Variants in MUSK observed in about 807,000 individuals in gnomAD.
MUSK encodes the protein muscle, skeletal receptor tyrosine-protein kinase.
Under a neutral mutation model 88.7 loss-of-function variants are expected in MUSK, and 55 were observed. The observed-to-expected ratio is 0.62, with a 90% CI of 0.50 to 0.78. MUSK has a LOEUF of 0.78. MUSK is among the 30% of genes least tolerant of loss of function. MUSK has a pLI of 0.00. For synonymous variants in MUSK, 387 were observed against 391.9 expected, an observed-to-expected ratio of 0.99 and a Z score of 0.15; for missense variants, 1,015 against 1,074.3, an observed-to-expected ratio of 0.94 and a Z score of 0.77.
chr9:110,784,561 G>A (rs1430066151), intron 11 of MUSK, among the ~76,000 whole-genome samples: 1 of 149,780 alleles, frequency 6.7e-6, no homozygotes, highest in Non-Finnish European at 1.5e-5. Flanking sequence ...AATGGCACCA[G>A]CCCAAGATCT....
chr9:110,710,004 A>AT (rs2076648042), intron 5 of MUSK, among the ~76,000 whole-genome samples: 1 of 151,482 alleles, frequency 6.6e-6, no homozygotes, highest in African/African-American at 2.5e-5. Flanking sequence ...ATTTAAAAAT[A>AT]TTTAAAAAAA....
intron 7 of MUSK, 69 bp downstream of exon 7, chr9:110,747,869 G>A: frequency 6.5e-7 from 1 of 1,543,050 alleles, no homozygotes; most frequent in Non-Finnish European, 8.9e-7. Flanking sequence ...ACAATATCGA[G>A]CATTGGAGAA....
chr9:110,769,450 A>AG (rs1419767798), intron 9 of MUSK, among the ~76,000 whole-genome samples: 1 of 152,118 alleles, frequency 6.6e-6, no homozygotes, highest in Non-Finnish European at 1.5e-5. Context: ...CAGAATAAGA[A>AG]GGGGAAAGAG....
Position 110,722,834 on chromosome 9 carries a change from C to T in MUSK, c.629-11417C>T, listed in dbSNP as rs149243496. Among the ~76,000 whole-genome samples, 31 of 152,086 alleles carry T rather than the reference C, an allele frequency of 2.0e-4. No homozygotes were observed. In the East Asian group the frequency reaches 2.3e-3, roughly 11 times the overall value. ...AGGGAAATGCAAATCAAAACCACAA[C>T]GTGATATCACCTTACTCCTGCAAGA... On this transcript the variant is annotated intron_variant, in intron 5 of 14. Transcript: ENST00000374448.
chr9:110,755,988 A>ATG (rs2077318702), intron 7 of MUSK, among the ~76,000 whole-genome samples: 1 of 143,248 alleles, frequency 7.0e-6, no homozygotes, highest in African/African-American at 2.6e-5. Context: ...ACATATATAT[A>ATG]TATATATATG....
rs1468314633 is a variant in MUSK, at chr9:110,785,376, T to G, written c.1587-151T>G. 6 of 700,678 alleles carry G rather than the reference T, an allele frequency of 8.6e-6. No homozygotes were observed. The South Asian group carries it at 8.7e-5, about 10-fold the overall frequency. The allele number at this position is 700,678 out of a possible 1,614,324, so 43.4% of individuals were successfully genotyped here. ...TTTGACTCTAGACCAAACAAAATAT[T>G]TTATTGCTCTCAAAACGAAGGATCT... On this transcript the variant is annotated intron_variant, in intron 12 of 14. Transcript: ENST00000374448.
At chr9:110,778,841 A>T (rs1489326846) in intron 11 of MUSK, among the ~76,000 whole-genome samples, 1 of 152,136 alleles carries the variant, frequency 6.6e-6, no homozygotes. Context: ...TCTTGAATAA[A>T]TTCCACTACC....
At chr9:110,694,909 G>C (rs2076413204) in intron 3 of MUSK, among the ~76,000 whole-genome samples, 1 of 152,016 alleles carries the variant, frequency 6.6e-6, no homozygotes, top group Non-Finnish European at 1.5e-5. Flanking sequence ...TTACTTTCTA[G>C]AGAATGAATG....
At chr9:110,799,998 T>C (rs2078066210) in intron 14 of MUSK, among the ~76,000 whole-genome samples, 1 of 152,166 alleles carries the variant, frequency 6.6e-6, no homozygotes, top group African/African-American at 2.4e-5. Context: ...TGTACTTATA[T>C]GCACCATGAA....
At chr9:110,789,913 A>G (rs944247517) in intron 14 of MUSK, among the ~76,000 whole-genome samples, 9 of 152,222 alleles carry the variant, frequency 5.9e-5, no homozygotes, top group African/African-American at 1.9e-4. Context: ...ATCCAAGGCT[A>G]TTGCAGTACA....
chr9:110,670,344 G>A lies in MUSK; in HGVS notation c.79+1361G>A, dbSNP rs1013115444. The stretch of plus-strand genomic sequence containing the variant: ...TAAGGCCCCACCTGGATGTTTGAAC[G>A]TATGGGTTGTCTTAAGTATTATTTG... On this transcript the variant is annotated intron_variant, in intron 1 of 14. Coordinates refer to ENST00000374448, the MANE Select transcript of MUSK (RefSeq NM_005592.4). Among the ~76,000 whole-genome samples, 12 of 152,136 alleles carry A rather than the reference G, an allele frequency of 7.9e-5. No homozygotes were observed. The East Asian group carries it at 1.2e-3, about 15-fold the overall frequency.
At chr9:110,687,079 G>A in intron 2 of MUSK, 38 bp from the exon 3 acceptor site, 3 of 1,587,970 alleles carry the variant, frequency 1.9e-6, no homozygotes, top group Non-Finnish European at 2.6e-6. Flanking sequence ...AAATCACAGA[G>A]GAAGCACTAA....
intron 13 of MUSK, among the ~76,000 whole-genome samples, chr9:110,787,301 G>A (rs76834520): frequency 0.03 from 4,181 of 140,818 alleles, 216 homozygotes; most frequent in African/African-American, 0.11. Context: ...TGTGGAGCTT[G>A]CAGTGAGCCT....
At chr9:110,747,523 G>C in intron 6 of MUSK, 118 bp from the exon 7 acceptor site, 1 of 1,045,690 alleles carries the variant, frequency 9.6e-7, no homozygotes, top group Non-Finnish European at 1.4e-6. Flanking sequence ...TTTTGGCTAT[G>C]TTTGCAGTGT....
chr9:110,702,104 T>C (rs1206613785), intron 5 of MUSK, among the ~76,000 whole-genome samples: 6 of 151,448 alleles, frequency 4.0e-5, no homozygotes, highest in African/African-American at 1.5e-4. Context: ...GATTAAACAC[T>C]ATAGCTCCAG....
At chr9:110,689,429 A>G (rs1244629749) in intron 3 of MUSK, among the ~76,000 whole-genome samples, 1 of 102,048 alleles carries the variant, frequency 9.8e-6, no homozygotes, top group African/African-American at 4.5e-5. Context: ...TAATATATGT[A>G]AAAAATATTA....
chr9:110,723,427 T>A (rs2076841221), intron 5 of MUSK, among the ~76,000 whole-genome samples: 1 of 151,922 alleles, frequency 6.6e-6, no homozygotes, highest in African/African-American at 2.4e-5. Flanking sequence ...ATAATGAGGA[T>A]GCAAAGGCAT....
At chr9:110,679,670 C>G (rs763012029) in intron 1 of MUSK, among the ~76,000 whole-genome samples, 1 of 151,676 alleles carries the variant, frequency 6.6e-6, no homozygotes, top group Non-Finnish European at 1.5e-5. Context: ...ATTGATAAAG[C>G]CTTTCTGGTA....
chr9:110,725,618 A>C (rs1383190759), intron 5 of MUSK, among the ~76,000 whole-genome samples: 1 of 151,984 alleles, frequency 6.6e-6, no homozygotes, highest in Non-Finnish European at 1.5e-5. Context: ...AAAATGCCCC[A>C]CTAATGCAAC....
Sources: gnomAD v4.1 joint callset for allele counts (sites outside exome capture counted in the v4.1 genomes callset) on GRCh38, gnomAD v4.1.1 for gene constraint, MANE v1.5 for transcripts, NCBI Gene and HGNC (gene_info 2026-07-23, HGNC 2026-07-21) for gene names.